TBCK: variants seen among roughly 807,000 people sequenced by gnomAD.
The protein encoded by TBCK is TBC domain-containing protein kinase-like protein.
In TBCK, 99 loss-of-function variants were observed where a neutral mutation model predicts 113.4. The ratio of observed to expected loss-of-function variants is 0.87; its 90% CI spans 0.74 to 1.03. The LOEUF is 1.03. TBCK is among the 50% of genes least tolerant of loss of function. TBCK has a pLI of 0.00. For synonymous variants in TBCK, 369 were observed against 370.8 expected, an observed-to-expected ratio of 1.00 and a Z score of 0.05; for missense variants, 1,045 against 1,061.3, an observed-to-expected ratio of 0.98 and a Z score of 0.21.
In TBCK at chr4:106,240,830, T is replaced by C. The variant is rs144326046; in HGVS notation, c.1170+1640A>G. Among the ~76,000 whole-genome samples the C allele has an allele frequency of 2.5e-3, 380 of 152,146 alleles. 1 individual carries two copies. Among genetic ancestry groups the C allele is most frequent in the African/African-American group, 8.3e-3 (343 of 41,548 alleles). On this transcript the variant is annotated intron_variant, in intron 12 of 25. Coordinates refer to ENST00000394708, the MANE Select transcript of TBCK (RefSeq NM_001163435.3). Reference sequence around the variant, plus strand: ...ATGGATTGATGAATAGCTAGAAAGATAGACATGTGATAAAGCATGTAAAAT... The same window carrying C: ...ATGGATTGATGAATAGCTAGAAAGACAGACATGTGATAAAGCATGTAAAAT...
In TBCK at chr4:106,083,229, G is replaced by A. The variant is rs541697198; in HGVS notation, c.2571+12253C>T. Among the ~76,000 whole-genome samples the A allele has an allele frequency of 6.0e-4, 92 of 152,332 alleles. 1 individual carries two copies. The South Asian group carries it at 0.018, about 30-fold the overall frequency. On this transcript the variant is annotated intron_variant, in intron 25 of 25. Transcript: ENST00000394708. ...GTGGCACCCATTTGTATAGCTCCAG[G>A]CTGGGCTTTTTCCCTGCTGGAGCAA...
At chr4:106,274,108 A>G (rs531551770) in intron 3 of TBCK, among the ~76,000 whole-genome samples, 1 of 152,328 alleles carries the variant, frequency 6.6e-6, no homozygotes, top group African/African-American at 2.4e-5. Context: ...AGAACAATAC[A>G]TTATTGTTTA....
intron 24 of TBCK, among the ~76,000 whole-genome samples, chr4:106,101,285 C>A (rs1741518768): frequency 6.6e-6 from 1 of 152,118 alleles, no homozygotes; most frequent in Non-Finnish European, 1.5e-5. Context: ...AACTAGCAAT[C>A]CAGACATGAA....
intron 3 of TBCK, among the ~76,000 whole-genome samples, chr4:106,293,120 C>T (rs777961022): frequency 2.6e-4 from 39 of 152,276 alleles, no homozygotes; most frequent in Admixed American, 5.2e-4. Context: ...GTGAATAAAC[C>T]AGGTGAATTG....
chr4:106,114,048 AT>A (rs1303300986), intron 24 of TBCK, among the ~76,000 whole-genome samples: 1 of 152,156 alleles, frequency 6.6e-6, no homozygotes, highest in Admixed American at 6.5e-5. Flanking sequence ...TTATACTCAT[AT>A]TTGTCTTCTA....
At chr4:106,288,013 C>T (rs1232204635) in intron 3 of TBCK, among the ~76,000 whole-genome samples, 1 of 151,202 alleles carries the variant, frequency 6.6e-6, no homozygotes, top group Non-Finnish European at 1.5e-5. Flanking sequence ...TTAAAAAAGT[C>T]AGTGGCTCAA....
At chr4:106,262,009 C>T in intron 4 of TBCK, 89 bp downstream of exon 4, 1 of 576,732 alleles carries the variant, frequency 1.7e-6, no homozygotes, top group Non-Finnish European at 2.9e-6. Context: ...TATTCTGATT[C>T]TATTGTTCCT....
At chr4:106,286,876 C>A (rs373135422) in intron 3 of TBCK, among the ~76,000 whole-genome samples, 11 of 129,530 alleles carry the variant, frequency 8.5e-5, no homozygotes, top group African/African-American at 3.2e-4. Context: ...AAGCGAGAAC[C>A]TGTCTCAAAA....
intron 23 of TBCK, among the ~76,000 whole-genome samples, chr4:106,164,979 T>C (rs1008924310): frequency 2.0e-5 from 3 of 146,410 alleles, no homozygotes; most frequent in Non-Finnish European, 4.6e-5. Flanking sequence ...TAGCATTATG[T>C]AAATAAAAAA....
At chr4:106,087,424 A>G (rs1333738795) in intron 25 of TBCK, among the ~76,000 whole-genome samples, 1 of 152,228 alleles carries the variant, frequency 6.6e-6, no homozygotes, top group Non-Finnish European at 1.5e-5. Context: ...GCTCAAGCAA[A>G]TAAGACAGGA....
At chr4:106,097,910 G>A (rs1041145555) in intron 24 of TBCK, among the ~76,000 whole-genome samples, 4 of 151,952 alleles carry the variant, frequency 2.6e-5, no homozygotes, top group Non-Finnish European at 5.9e-5. Flanking sequence ...TTTGACATAT[G>A]GTGACTCTGA....
At chr4:106,273,207 G>A (rs1204945414) in intron 3 of TBCK, among the ~76,000 whole-genome samples, 1 of 152,166 alleles carries the variant, frequency 6.6e-6, no homozygotes, top group East Asian at 1.9e-4. Flanking sequence ...TACAACTTAA[G>A]ATGAAGTTCC....
intron 3 of TBCK, among the ~76,000 whole-genome samples, chr4:106,279,254 A>G (rs1052517071): frequency 4.6e-5 from 7 of 152,148 alleles, no homozygotes; most frequent in African/African-American, 2.4e-5. Context: ...CAGTAAATGA[A>G]CCTTGTAAAA....
At chr4:106,253,274 TTATC>T (rs995291993) in intron 5 of TBCK, among the ~76,000 whole-genome samples, 5 of 152,172 alleles carry the variant, frequency 3.3e-5, no homozygotes, top group Non-Finnish European at 5.9e-5. Flanking sequence ...TCAATCAAGA[TTATC>T]TATATTGTTG....
At position 106,233,015 on chromosome 4, in the gene TBCK, G is replaced by T; in HGVS notation, c.1562C>A (p.Ser521Ter). 2.5e-6 allele frequency: 4 copies of T among 1,612,000 alleles called. No individual in the cohort carries two copies. Among genetic ancestry groups the T allele is most frequent in the Non-Finnish European group, 3.4e-6 (4 of 1,178,536 alleles). ...RCHQYDELLS[S>*]PEGHAKFRRV... The stretch of plus-strand genomic sequence containing the variant: ...CCTAAATTTTGCATGACCTTCTGGT[G>T]ATGATAACAGTTCATCGTACTGATG... The change falls in exon 17 of 26, where the codon TCA (serine) becomes TAA (stop). Residue 521 changes from serine (S) to a stop codon, truncating the protein, a stop_gained. Transcript: ENST00000394708. LOFTEE classifies it high-confidence loss of function.
At chr4:106,086,854 C>G (rs1578853378) in intron 25 of TBCK, among the ~76,000 whole-genome samples, 1 of 152,148 alleles carries the variant, frequency 6.6e-6, no homozygotes, top group East Asian at 1.9e-4. Context: ...TCAACAGATG[C>G]AGAAAAGGCC....
Position 106,171,566 on chromosome 4 carries a change from CATT to C in TBCK, c.2060-299_2060-297del, listed in dbSNP as rs529105847. Among the ~76,000 whole-genome samples the C allele has an allele frequency of 4.1e-4, 62 of 152,110 alleles. 1 individual carries two copies. The East Asian group carries it at 6.8e-3, about 17-fold the overall frequency. ...TACATATGTATATATTTCAGAGTAT[CATT>C]ATTTAAATGCCACAGAATAGAACAC... is the stretch of plus-strand genomic sequence containing the variant. On this transcript the variant is annotated intron_variant, in intron 22 of 25. Coordinates refer to ENST00000394708, the MANE Select transcript of TBCK (RefSeq NM_001163435.3).
intron 23 of TBCK, among the ~76,000 whole-genome samples, chr4:106,152,160 T>G (rs1748568597): frequency 6.6e-6 from 1 of 151,970 alleles, no homozygotes. Context: ...TGTTACATTC[T>G]TGATCTTAGA....
At chr4:106,206,098 A>T (rs539968904) in intron 20 of TBCK, among the ~76,000 whole-genome samples, 2 of 152,196 alleles carry the variant, frequency 1.3e-5, no homozygotes, top group East Asian at 3.9e-4. Context: ...GTAAACAAAA[A>T]CTCTTTGAGG....
Sources: allele counts gnomAD v4.1 joint callset (sites outside exome capture counted in the v4.1 genomes callset), GRCh38; gene constraint gnomAD v4.1.1; transcripts MANE v1.5; gene names NCBI Gene and HGNC (gene_info 2026-07-23, HGNC 2026-07-21).